PRKAA1: variants seen among roughly 807,000 people sequenced by gnomAD.
PRKAA1 encodes protein kinase AMP-activated catalytic subunit alpha 1.
PRKAA1 carries 23 observed loss-of-function variants against 56.9 expected under a neutral mutation model. The observed-to-expected ratio is 0.40, with a 90% confidence interval of 0.29 to 0.57. PRKAA1 has a LOEUF of 0.57. Among genes scored for constraint, PRKAA1 ranks in the 20% least tolerant of loss-of-function variants. PRKAA1 has a pLI of 0.39. For synonymous variants in PRKAA1, 226 were observed against 227.0 expected, an observed-to-expected ratio of 1.00 and a Z score of 0.04; for missense variants, 413 against 679.7, an observed-to-expected ratio of 0.61 and a Z score of 4.36.
At position 40,767,719 on chromosome 5, in the gene PRKAA1, A is replaced by G. The variant is rs1159665077; in HGVS notation, c.597-29T>C. 3 of 1,531,274 alleles carry G rather than the reference A, an allele frequency of 2.0e-6. No individual in the cohort carries two copies. The South Asian group carries it at 3.5e-5, about 18-fold the overall frequency. The allele number at this position is 1,531,274 out of a possible 1,614,324, so 94.9% of individuals were successfully genotyped here. A position where few individuals can be genotyped will look rare whatever the true frequency, so the allele number is the denominator to read the frequency against. On this transcript the variant is annotated intron_variant, in intron 5 of 8. Transcript: ENST00000397128. ...TAACAGGAAATAACAATTGGATTAA[A>G]GAATCATTTTAACCTAAGATTCAGT... is the stretch of plus-strand genomic sequence containing the variant.
At chr5:40,791,567 T>C (rs1744718845) in intron 1 of PRKAA1, among the ~76,000 whole-genome samples, 1 of 152,204 alleles carries the variant, frequency 6.6e-6, no homozygotes, top group Non-Finnish European at 1.5e-5. Flanking sequence ...AGGATTTTAA[T>C]AGGACAGAGA....
chr5:40,771,653 G>A lies in PRKAA1; in HGVS notation c.508+66C>T, dbSNP rs1425909864. The A allele has an allele frequency of 6.2e-6, 9 of 1,462,614 alleles. No homozygotes were observed. The South Asian group carries it at 1.0e-4, about 16-fold the overall frequency. 90.6% of individuals were successfully genotyped at this position (1,462,614 alleles called of 1,614,324 possible). ...TTTTACAGTTATCTGAAGAATTCTA[G>A]GTAGGTTCATTGAAACTATAAGAAC... On this transcript the variant is annotated intron_variant, in intron 4 of 8. Transcript: ENST00000397128.
At chr5:40,796,989 A>G (rs1048903510) in intron 1 of PRKAA1, among the ~76,000 whole-genome samples, 2 of 152,024 alleles carry the variant, frequency 1.3e-5, no homozygotes, top group Non-Finnish European at 2.9e-5. Flanking sequence ...GAAAAAAAAA[A>G]TCATGCCTTA....
At chr5:40,797,261 A>G (rs1310105385) in intron 1 of PRKAA1, among the ~76,000 whole-genome samples, 1 of 152,232 alleles carries the variant, frequency 6.6e-6, no homozygotes, top group African/African-American at 2.4e-5. Context: ...TAAAGAGTTT[A>G]TTAGAATACA....
intron 1 of PRKAA1, among the ~76,000 whole-genome samples, chr5:40,793,366 T>C (rs1314374624): frequency 6.6e-6 from 1 of 152,202 alleles, no homozygotes; most frequent in Non-Finnish European, 1.5e-5. Flanking sequence ...CCTAGTTTTC[T>C]GTAAACTTTC....
intron 1 of PRKAA1, among the ~76,000 whole-genome samples, chr5:40,778,539 C>T (rs154275): frequency 0.69 from 104,322 of 151,686 alleles, 35,980 homozygotes; most frequent in East Asian, 0.8. Context: ...CTATCATACA[C>T]ACAGACTAAA....
chr5:40,793,429 G>C (rs879042091), intron 1 of PRKAA1, among the ~76,000 whole-genome samples: 1 of 152,086 alleles, frequency 6.6e-6, no homozygotes, highest in Admixed American at 6.6e-5. Flanking sequence ...CCTGTAACAG[G>C]AAACAATCAC....
chr5:40,788,150 C>T (rs1393300526), intron 1 of PRKAA1, among the ~76,000 whole-genome samples: 3 of 152,130 alleles, frequency 2.0e-5, no homozygotes, highest in Non-Finnish European at 4.4e-5. Context: ...ATTAAAACAG[C>T]ACGGCACTGA....
intron 4 of PRKAA1, 99 bp from the exon 5 acceptor site, chr5:40,769,602 C>G: frequency 1.0e-6 from 1 of 987,248 alleles, no homozygotes; most frequent in East Asian, 2.4e-5. Flanking sequence ...AATGATAAAT[C>G]ATCATTTTGT....
intron 1 of PRKAA1, among the ~76,000 whole-genome samples, chr5:40,778,779 ATTTTTT>A (rs70988808): frequency 1.0e-4 from 6 of 57,822 alleles, no homozygotes; most frequent in East Asian, 5.3e-4. Flanking sequence ...CTGTTTTTTA[ATTTTTT>A]TTTTTTTTTT....
chr5:40,768,346 A>G (rs1363105787), intron 5 of PRKAA1: 6 of 774,010 alleles, frequency 7.8e-6, no homozygotes, highest in Non-Finnish European at 9.4e-6. Context: ...TATCCAAACT[A>G]GAAAAATTAA....
At chr5:40,783,331 T>G (rs539054420) in intron 1 of PRKAA1, among the ~76,000 whole-genome samples, 1 of 150,568 alleles carries the variant, frequency 6.6e-6, no homozygotes, top group East Asian at 2.0e-4. Flanking sequence ...TAAAAAAAAA[T>G]TATATATGCA....
At chr5:40,775,553 C>A in intron 2 of PRKAA1, 50 bp from the exon 3 acceptor site, 2 of 1,359,292 alleles carry the variant, frequency 1.5e-6, no homozygotes, top group South Asian at 1.2e-5. Context: ...TATATTCATT[C>A]ATTCAATAAA....
chr5:40,763,109 G>T (rs543442996), intron 8 of PRKAA1, 87 bp from the exon 9 acceptor site: 1 of 1,382,998 alleles, frequency 7.2e-7, no homozygotes. Context: ...TCTTTAAGTG[G>T]GGCTGCTGGC....
chr5:40,771,735 T>G lies in PRKAA1; in HGVS notation c.492A>C (p.Ala164=). ...ENVLLDAHMN[A]KIADFGLSNM... is the part of the protein sequence containing the mutation. The stretch of plus-strand genomic sequence containing the variant: ...TATCCTTACCAAAATCAGCTATCTT[T>G]GCATTCATGTGTGCATCAAGCAGGA... Residue 164 remains alanine (A), a synonymous_variant, in exon 4 of 9, where the codon GCA becomes GCC. Transcript: ENST00000397128. 1 of 1,603,920 alleles carries G rather than the reference T, an allele frequency of 6.2e-7. No individual in the cohort carries two copies. Among genetic ancestry groups the G allele is most frequent in the South Asian group, 1.1e-5 (1 of 88,202 alleles).
intron 4 of PRKAA1, among the ~76,000 whole-genome samples, chr5:40,770,280 T>C (rs9800106): frequency 0.37 from 55,698 of 151,738 alleles, 10,978 homozygotes; most frequent in Admixed American, 0.47. Context: ...CTGGCCAACA[T>C]AGTGATTCCC....
At chr5:40,774,952 T>C (rs748803962) in intron 3 of PRKAA1, 2 of 1,605,620 alleles carry the variant, frequency 1.2e-6, no homozygotes, top group Non-Finnish European at 1.7e-6. Context: ...CTGTTTTTAC[T>C]ACTCCAGGTA....
At chr5:40,783,230 G>A (rs1744334580) in intron 1 of PRKAA1, among the ~76,000 whole-genome samples, 1 of 151,876 alleles carries the variant, frequency 6.6e-6, no homozygotes, top group African/African-American at 2.4e-5. Context: ...AAGAACAAAA[G>A]GCTGACCAAT....
rs1019740043 is a variant in PRKAA1, at chr5:40,768,674, T to C, written c.596+742A>G. 7 of 1,242,242 alleles carry C rather than the reference T, an allele frequency of 5.6e-6. No individual in the cohort carries two copies. The African/African-American group carries it at 6.3e-5, about 11-fold the overall frequency. The allele number at this position is 1,242,242 out of a possible 1,614,324, so 77.0% of individuals were successfully genotyped here. A position where few individuals can be genotyped will look rare whatever the true frequency, so the allele number is the denominator to read the frequency against. ...TAGAAAATACTACAGTATTTCTGCATTGAGTTAATCAAGATGCAAAACATT... is the reference window on the plus strand; with the variant it reads ...TAGAAAATACTACAGTATTTCTGCACTGAGTTAATCAAGATGCAAAACATT... On this transcript the variant is annotated intron_variant, in intron 5 of 8. Transcript: ENST00000397128.
Sources: gnomAD v4.1 joint callset for allele counts (sites outside exome capture counted in the v4.1 genomes callset) on GRCh38, gnomAD v4.1.1 for gene constraint, MANE v1.5 for transcripts, NCBI Gene and HGNC (gene_info 2026-07-23, HGNC 2026-07-21) for gene names.